C13orf42: variants seen among roughly 807,000 people sequenced by gnomAD.
C13orf42 encodes the protein chromosome 13 open reading frame 42, also known as uncharacterized protein C13orf42.
chr13:51,101,492 G>A (rs553269015), intron 1 of C13orf42, among the ~76,000 whole-genome samples: 2 of 151,846 alleles, frequency 1.3e-5, no homozygotes, highest in East Asian at 1.9e-4. Flanking sequence ...ATGAATATAC[G>A]CAAACCATAT....
chr13:51,087,378 A>T (rs1295040459), intron 2 of C13orf42, among the ~76,000 whole-genome samples: 1 of 152,164 alleles, frequency 6.6e-6, no homozygotes, highest in Non-Finnish European at 1.5e-5. Flanking sequence ...TCTCAAATAC[A>T]GTTTGTCCAT....
intron 1 of C13orf42, among the ~76,000 whole-genome samples, chr13:51,171,644 G>A (rs1033965431): frequency 1.3e-5 from 2 of 152,086 alleles, no homozygotes; most frequent in Non-Finnish European, 2.9e-5. Flanking sequence ...ACCTGGTCGG[G>A]CTTACAGTTT....
chr13:51,162,082 G>A (rs767317811), intron 1 of C13orf42: 78 of 331,112 alleles, frequency 2.4e-4, no homozygotes, highest in Non-Finnish European at 3.9e-4. Flanking sequence ...CCTTTACACC[G>A]TATTTTGGAA....
intron 1 of C13orf42, among the ~76,000 whole-genome samples, chr13:51,154,287 A>C (rs1219861192): frequency 6.6e-6 from 1 of 152,216 alleles, no homozygotes; most frequent in Non-Finnish European, 1.5e-5. Context: ...TAATGCTGCC[A>C]TGAACACGGT....
intron 1 of C13orf42, among the ~76,000 whole-genome samples, chr13:51,093,766 T>TTGC (rs1953203572): frequency 6.6e-6 from 1 of 152,210 alleles, no homozygotes; most frequent in Non-Finnish European, 1.5e-5. Flanking sequence ...ATTTTACTAC[T>TTGC]AGTTGCAAAA....
chr13:51,164,175 G>T (rs1333493320), intron 1 of C13orf42, among the ~76,000 whole-genome samples: 1 of 152,276 alleles, frequency 6.6e-6, no homozygotes, highest in South Asian at 2.1e-4. Context: ...TTGAAGTCAT[G>T]TCTACTGATA....
chr13:51,102,833 A>G (rs1053022711), intron 1 of C13orf42, among the ~76,000 whole-genome samples: 1 of 152,212 alleles, frequency 6.6e-6, no homozygotes, highest in Non-Finnish European at 1.5e-5. Context: ...CAATCATGGT[A>G]GAAGATGAAG....
At chr13:51,163,526 T>C (rs778323476) in intron 1 of C13orf42, among the ~76,000 whole-genome samples, 1 of 152,122 alleles carries the variant, frequency 6.6e-6, no homozygotes, top group Non-Finnish European at 1.5e-5. Flanking sequence ...CACTACTGTT[T>C]GTAAAAAGCA....
intron 1 of C13orf42, among the ~76,000 whole-genome samples, chr13:51,124,180 G>A (rs1238581186): frequency 1.3e-5 from 2 of 152,116 alleles, no homozygotes; most frequent in African/African-American, 4.8e-5. Flanking sequence ...CAGTATAAGA[G>A]AACAGCTTCG....
chr13:51,116,811 T>C (rs1385645062), intron 1 of C13orf42, among the ~76,000 whole-genome samples: 4 of 152,220 alleles, frequency 2.6e-5, no homozygotes, highest in African/African-American at 9.6e-5. Flanking sequence ...TGTGGCTGCA[T>C]TCAGTGGTGG....
chr13:51,110,203 A>T (rs1953412018), intron 1 of C13orf42, among the ~76,000 whole-genome samples: 1 of 152,202 alleles, frequency 6.6e-6, no homozygotes, highest in Non-Finnish European at 1.5e-5. Context: ...TGATGATTTC[A>T]CTTTTCACCA....
chr13:51,112,188 T>A (rs1014264419), upstream of C13orf42, among the ~76,000 whole-genome samples: 28 of 152,242 alleles, frequency 1.8e-4, no homozygotes, highest in African/African-American at 6.3e-4. Context: ...TGCAGTCTAT[T>A]TCTCTCCTAG....
chr13:51,097,930 T>C (rs1246856331), intron 1 of C13orf42, among the ~76,000 whole-genome samples: 1 of 152,104 alleles, frequency 6.6e-6, no homozygotes, highest in Non-Finnish European at 1.5e-5. Flanking sequence ...TATTGCCAGC[T>C]CCACTCCAGT....
At chr13:51,122,147 T>C (rs898924729) in intron 1 of C13orf42, among the ~76,000 whole-genome samples, 3 of 152,078 alleles carry the variant, frequency 2.0e-5, no homozygotes, top group Non-Finnish European at 2.9e-5. Flanking sequence ...ATACAAATAG[T>C]AAATACGGTA....
At chr13:51,132,239 G>A (rs567249236) in intron 1 of C13orf42, among the ~76,000 whole-genome samples, 1 of 152,202 alleles carries the variant, frequency 6.6e-6, no homozygotes, top group South Asian at 2.1e-4. Flanking sequence ...TCAGGAGATC[G>A]AGACTATCCT....
chr13:51,156,886 G>A (rs958669905), intron 1 of C13orf42, among the ~76,000 whole-genome samples: 6 of 152,288 alleles, frequency 3.9e-5, no homozygotes, highest in Non-Finnish European at 5.9e-5. Flanking sequence ...AATAATCCAC[G>A]CAATTGTTAC....
At chr13:51,149,983 A>G (rs1486265040) in intron 1 of C13orf42, among the ~76,000 whole-genome samples, 1 of 152,224 alleles carries the variant, frequency 6.6e-6, no homozygotes, top group East Asian at 1.9e-4. Context: ...ATCATCTTAG[A>G]ACTTTGCATG....
intron 1 of C13orf42, among the ~76,000 whole-genome samples, chr13:51,105,143 T>C (rs991361228): frequency 6.6e-6 from 1 of 152,228 alleles, no homozygotes; most frequent in African/African-American, 2.4e-5. Flanking sequence ...GATGTATCCA[T>C]ACCTCTGGCA....
chr13:51,132,987 T>C (rs1185012719), intron 1 of C13orf42, among the ~76,000 whole-genome samples: 2 of 152,170 alleles, frequency 1.3e-5, no homozygotes, highest in African/African-American at 4.8e-5. Flanking sequence ...ACAAATGCCA[T>C]GGCAACATCA....
Sources: allele counts gnomAD v4.1 joint callset (sites outside exome capture counted in the v4.1 genomes callset), GRCh38; gene constraint gnomAD v4.1.1; transcripts MANE v1.5; gene names NCBI Gene and HGNC (gene_info 2026-07-23, HGNC 2026-07-21).